TSHZ2: variants seen among roughly 807,000 people sequenced by gnomAD.
The protein encoded by TSHZ2 is teashirt zinc finger homeobox 2.
A neutral mutation model predicts 74.4 loss-of-function variants in TSHZ2; 21 were observed. The ratio of observed to expected loss-of-function variants is 0.28; its 90% CI spans 0.20 to 0.41. TSHZ2 has a LOEUF of 0.41. Among genes scored for constraint, TSHZ2 ranks in the 10% least tolerant of loss-of-function variants. The pLI is 1.00. For synonymous variants in TSHZ2, 540 were observed against 515.3 expected (o/e 1.05, Z -0.65); for missense variants, 1,244 against 1,293.5 (o/e 0.96, Z 0.59).
intron 1 of TSHZ2, among the ~76,000 whole-genome samples, chr20:53,247,024 T>C (rs1416281794): frequency 6.6e-6 from 1 of 152,220 alleles, no homozygotes; most frequent in Admixed American, 6.5e-5. Context: ...AGAGTACTCA[T>C]GGGCTCAGGA....
chr20:53,024,372 C>G (rs1415392223), intron 1 of TSHZ2, among the ~76,000 whole-genome samples: 1 of 150,712 alleles, frequency 6.6e-6, no homozygotes, highest in African/African-American at 2.4e-5. Context: ...TGCCTTGGAA[C>G]CAGGCATACG....
At chr20:53,151,604 T>C (rs548367697) in intron 1 of TSHZ2, among the ~76,000 whole-genome samples, 4 of 152,308 alleles carry the variant, frequency 2.6e-5, no homozygotes, top group Admixed American at 2.6e-4. Flanking sequence ...CTAAATGAGA[T>C]TTTTTTAAGC....
At chr20:53,309,064 A>G (rs1304941365) in intron 2 of TSHZ2, among the ~76,000 whole-genome samples, 1 of 152,238 alleles carries the variant, frequency 6.6e-6, no homozygotes, top group Non-Finnish European at 1.5e-5. Context: ...GGCAAGACAG[A>G]GCAGAGTGCT....
At chr20:53,031,250 C>T (rs928540849) in intron 1 of TSHZ2, among the ~76,000 whole-genome samples, 1 of 152,152 alleles carries the variant, frequency 6.6e-6, no homozygotes, top group African/African-American at 2.4e-5. Flanking sequence ...AAGGTGCTAT[C>T]GCAGCCTGTC....
intron 2 of TSHZ2, among the ~76,000 whole-genome samples, chr20:53,311,751 T>C (rs1205779106): frequency 6.6e-6 from 1 of 152,166 alleles, no homozygotes; most frequent in East Asian, 1.9e-4. Flanking sequence ...AGGAGAAGAT[T>C]CTATAGTCAA....
chr20:53,481,417 C>CA (rs1224375588), intron 2 of TSHZ2, among the ~76,000 whole-genome samples: 2 of 151,650 alleles, frequency 1.3e-5, no homozygotes, highest in African/African-American at 4.8e-5. Flanking sequence ...ACAAAAAATA[C>CA]AAAAAAATTA....
chr20:53,022,811 C>G (rs1983293647), intron 1 of TSHZ2, among the ~76,000 whole-genome samples: 1 of 152,086 alleles, frequency 6.6e-6, no homozygotes, highest in Admixed American at 6.6e-5. Flanking sequence ...ATAGGAGTTC[C>G]TTTGTGTGAA....
At chr20:53,051,581 G>A (rs894633778) in intron 1 of TSHZ2, among the ~76,000 whole-genome samples, 6 of 151,672 alleles carry the variant, frequency 4.0e-5, no homozygotes, top group Non-Finnish European at 8.8e-5. Context: ...ATATCAAGTA[G>A]TTTTATTGAT....
intron 1 of TSHZ2, among the ~76,000 whole-genome samples, chr20:53,010,922 TTTCTTTA>T (rs1982826660): frequency 6.6e-6 from 1 of 152,216 alleles, no homozygotes; most frequent in African/African-American, 2.4e-5. Flanking sequence ...AGTTGGACAT[TTTCTTTA>T]TTACGTTGTC....
chr20:53,340,310 T>G (rs1248554788), intron 2 of TSHZ2, among the ~76,000 whole-genome samples: 1 of 150,260 alleles, frequency 6.7e-6, no homozygotes, highest in East Asian at 2.0e-4. Context: ...AGCCTCCGAG[T>G]AGCTGGGACT....
rs546387506 is a variant in TSHZ2, at chr20:53,230,438, A to G, written c.41-23061A>G. ...CAGCCACCAGGTGGTGGCTGTGTCT[A>G]TCTGGCACACAGACATCAACTGGAA... On this transcript the variant is annotated intron_variant, in intron 1 of 2. Transcript: ENST00000371497. Among the ~76,000 whole-genome samples the G allele has an allele frequency of 6.6e-5, 10 of 152,242 alleles. No homozygotes were observed. In the East Asian group the frequency reaches 1.9e-3, roughly 29 times the overall value.
intron 1 of TSHZ2, among the ~76,000 whole-genome samples, chr20:53,203,395 A>T (rs912329402): frequency 1.3e-5 from 2 of 152,086 alleles, no homozygotes; most frequent in Middle Eastern, 6.8e-3. Flanking sequence ...GGGTTTCACC[A>T]TATTGGCCAG....
chr20:53,361,933 T>C (rs1981071685), intron 2 of TSHZ2, among the ~76,000 whole-genome samples: 1 of 152,042 alleles, frequency 6.6e-6, no homozygotes. Context: ...TTTTTTTTTT[T>C]TCTGGAGACA....
chr20:53,170,521 T>C (rs73270660), intron 1 of TSHZ2, among the ~76,000 whole-genome samples: 3,384 of 152,270 alleles, frequency 0.022, 125 homozygotes, highest in African/African-American at 0.078. Context: ...GCTATGATGG[T>C]GGTGGCGGGG....
intron 1 of TSHZ2, among the ~76,000 whole-genome samples, chr20:53,024,061 G>C (rs1333528304): frequency 6.6e-6 from 1 of 151,748 alleles, no homozygotes; most frequent in Non-Finnish European, 1.5e-5. Context: ...TATTGAAGTA[G>C]TGTGGGTGGG....
intron 1 of TSHZ2, among the ~76,000 whole-genome samples, chr20:53,027,857 T>C (rs1983503502): frequency 6.6e-6 from 1 of 152,068 alleles, no homozygotes; most frequent in African/African-American, 2.4e-5. Context: ...GAAAATGCCA[T>C]TTAAGGAGAG....
At chr20:53,090,183 G>C (rs1168429072) in intron 1 of TSHZ2, among the ~76,000 whole-genome samples, 2 of 151,984 alleles carry the variant, frequency 1.3e-5, no homozygotes, top group African/African-American at 4.8e-5. Context: ...CAGCAAATCT[G>C]CTCTTTCCAT....
At chr20:53,358,620 C>T (rs1980939927) in intron 2 of TSHZ2, among the ~76,000 whole-genome samples, 1 of 152,052 alleles carries the variant, frequency 6.6e-6, no homozygotes, top group Non-Finnish European at 1.5e-5. Flanking sequence ...GCTGGGATTA[C>T]AGGCGTGAGC....
intron 2 of TSHZ2, among the ~76,000 whole-genome samples, chr20:53,328,321 G>A (rs769610666): frequency 5.9e-5 from 9 of 152,212 alleles, no homozygotes; most frequent in Non-Finnish European, 8.8e-5. Flanking sequence ...CGTGGAAATC[G>A]TACATGCAGC....
Sources: allele counts gnomAD v4.1 joint callset (sites outside exome capture counted in the v4.1 genomes callset), GRCh38; gene constraint gnomAD v4.1.1; transcripts MANE v1.5; gene names NCBI Gene and HGNC (gene_info 2026-07-23, HGNC 2026-07-21).